ELF2: variants seen among roughly 807,000 people sequenced by gnomAD.
ELF2 encodes E74 like ETS transcription factor 2, also known as ETS-related transcription factor Elf-2.
In ELF2, 11 loss-of-function variants were observed where a neutral mutation model predicts 54.8. The ratio of observed to expected loss-of-function variants is 0.20; its 90% CI spans 0.13 to 0.33. The LOEUF (loss-of-function observed/expected upper bound fraction) is 0.33. ELF2 is among the 10% of genes least tolerant of loss of function. The pLI is 1.00. For synonymous variants in ELF2, 203 were observed against 245.1 expected (o/e 0.83, Z 1.61); for missense variants, 513 against 703.0 (o/e 0.73, Z 3.06).
intron 4 of ELF2, among the ~76,000 whole-genome samples, chr4:139,121,097 T>A (rs1004108560): frequency 9.3e-5 from 3 of 32,196 alleles, no homozygotes; most frequent in Non-Finnish European, 1.8e-4. Context: ...TAACACAGAT[T>A]TTTTTTTTTT....
chr4:139,135,279 G>GTGTGTGTGTGTGTGTGTGTGTGTGTA (rs373283677), intron 3 of ELF2, among the ~76,000 whole-genome samples: 1 of 136,504 alleles, frequency 7.3e-6, no homozygotes, highest in African/African-American at 2.8e-5. Context: ...GTGTGTGTGT[G>GTGTGTGTGTGTGTGTGTGTGTGTGTA]TATATATGAA....
intron 3 of ELF2, among the ~76,000 whole-genome samples, chr4:139,134,307 T>C (rs939934202): frequency 1.3e-5 from 2 of 152,158 alleles, no homozygotes; most frequent in African/African-American, 4.8e-5. Flanking sequence ...AAATTGATTA[T>C]GGCATTCTAC....
At chr4:139,157,437 T>G (rs1740662893) in intron 1 of ELF2, among the ~76,000 whole-genome samples, 1 of 152,170 alleles carries the variant, frequency 6.6e-6, no homozygotes, top group African/African-American at 2.4e-5. Context: ...TCTCACTCTG[T>G]CAACCAGGCT....
intron 3 of ELF2, chr4:139,136,868 T>C (rs577631576): frequency 1.3e-5 from 2 of 152,324 alleles, no homozygotes; most frequent in African/African-American, 4.8e-5. Context: ...GGTTTCGCCA[T>C]GTTAGCCAGG....
chr4:139,149,117 T>G (rs1287427075), intron 1 of ELF2, among the ~76,000 whole-genome samples: 1 of 152,070 alleles, frequency 6.6e-6, no homozygotes, highest in African/African-American at 2.4e-5. Flanking sequence ...CCTAACCAAT[T>G]CGGTAAGAAA....
intron 4 of ELF2, among the ~76,000 whole-genome samples, chr4:139,107,292 C>G (rs1734510669): frequency 6.6e-6 from 1 of 152,202 alleles, no homozygotes; most frequent in African/African-American, 2.4e-5. Flanking sequence ...TTGACCCCCT[C>G]TGAGTGATAG....
intron 4 of ELF2, among the ~76,000 whole-genome samples, chr4:139,119,137 C>T (rs939537488): frequency 6.6e-6 from 1 of 152,166 alleles, no homozygotes; most frequent in African/African-American, 2.4e-5. Flanking sequence ...AAGGTTAATT[C>T]CTTAATTCTA....
chr4:139,160,076 G>A (rs1443836980), intron 1 of ELF2, among the ~76,000 whole-genome samples: 2 of 152,210 alleles, frequency 1.3e-5, no homozygotes, highest in African/African-American at 2.4e-5. Flanking sequence ...AGTGGCTCAC[G>A]CCTGTAATCC....
Position 139,075,509 on chromosome 4 carries a change from A to G in ELF2, c.239-1942T>C, listed in dbSNP as rs181311363. On this transcript the variant is annotated intron_variant, in intron 4 of 9. Transcript: ENST00000686138. Reference sequence around the variant, plus strand: ...GCAGTGGCATGATCTAGCTCACTGCAACCTCCACCTCTCAGGTTCAAGCGA... The same window carrying G: ...GCAGTGGCATGATCTAGCTCACTGCGACCTCCACCTCTCAGGTTCAAGCGA... 6.6e-5 allele frequency among the ~76,000 whole-genome samples: 10 copies of G among 152,306 alleles called. No homozygotes were observed. The East Asian group carries it at 1.9e-3, about 29-fold the overall frequency.
intron 3 of ELF2, among the ~76,000 whole-genome samples, chr4:139,135,277 G>A (rs58302711): frequency 0.096 from 12,981 of 135,632 alleles, 995 homozygotes; most frequent in East Asian, 0.35. Context: ...GTGTGTGTGT[G>A]TGTATATATG....
intron 3 of ELF2, among the ~76,000 whole-genome samples, chr4:139,126,726 T>C (rs1736957227): frequency 6.6e-6 from 1 of 152,210 alleles, no homozygotes; most frequent in African/African-American, 2.4e-5. Flanking sequence ...AGTCAAATCA[T>C]CTTATAGAAG....
At chr4:139,170,716 C>CATTATATTATATTATATTAT (rs56747979) in intron 1 of ELF2, among the ~76,000 whole-genome samples, 1 of 142,732 alleles carries the variant, frequency 7.0e-6, no homozygotes, top group Admixed American at 6.9e-5. Context: ...TATTACATTA[C>CATTATATTATATTATATTAT]ATTATATTAT....
intron 1 of ELF2, among the ~76,000 whole-genome samples, chr4:139,143,886 G>A (rs1738955818): frequency 6.6e-6 from 1 of 151,980 alleles, no homozygotes; most frequent in Non-Finnish European, 1.5e-5. Flanking sequence ...GACCTGAGAA[G>A]ACCTTAAATA....
chr4:139,092,853 A>AT (rs1732821101), intron 4 of ELF2, among the ~76,000 whole-genome samples: 1 of 151,922 alleles, frequency 6.6e-6, no homozygotes, highest in Non-Finnish European at 1.5e-5. Context: ...ATTATGAACA[A>AT]TTATATGCTA....
At chr4:139,169,374 A>C (rs1370892941) in intron 1 of ELF2, among the ~76,000 whole-genome samples, 2 of 151,304 alleles carry the variant, frequency 1.3e-5, no homozygotes, top group Non-Finnish European at 2.9e-5. Flanking sequence ...AAACTATCAC[A>C]AAAAAACTCA....
chr4:139,089,925 A>G (rs923755608), intron 4 of ELF2, among the ~76,000 whole-genome samples: 4 of 152,202 alleles, frequency 2.6e-5, no homozygotes, highest in Non-Finnish European at 4.4e-5. Context: ...TCTAGGTCAT[A>G]AAGTATTTTG....
intron 5 of ELF2, 60 bp from the exon 6 acceptor site, chr4:139,072,099 C>G: frequency 6.5e-7 from 1 of 1,531,104 alleles, no homozygotes. Context: ...CTTATGTGGA[C>G]AGTTCAATAT....
At chr4:139,157,329 A>ATC (rs1286113983) in intron 1 of ELF2, among the ~76,000 whole-genome samples, 1 of 152,270 alleles carries the variant, frequency 6.6e-6, no homozygotes, top group Admixed American at 6.5e-5. Context: ...AATATCATTA[A>ATC]TCTCTCTCTC....
At chr4:139,131,855 T>C (rs1450491788) in intron 3 of ELF2, among the ~76,000 whole-genome samples, 1 of 147,720 alleles carries the variant, frequency 6.8e-6, no homozygotes, top group Non-Finnish European at 1.5e-5. Context: ...ATCCATACAA[T>C]GAGAGACTAT....
Sources: allele counts gnomAD v4.1 joint callset (sites outside exome capture counted in the v4.1 genomes callset), GRCh38; gene constraint gnomAD v4.1.1; transcripts MANE v1.5; gene names NCBI Gene and HGNC (gene_info 2026-07-23, HGNC 2026-07-21).